The following DHRS7B variants were observed in gnomAD, a reference collection of about 807,000 sequenced individuals.
DHRS7B encodes dehydrogenase/reductase 7B, also known as peroxisomal reductase activating PPAR-gamma.
Under a neutral mutation model 26.4 loss-of-function variants are expected in DHRS7B, and 24 were observed. The ratio of observed to expected loss-of-function variants is 0.91; its 90% CI spans 0.66 to 1.28. The LOEUF (loss-of-function observed/expected upper bound fraction) is 1.28, where lower values mean the gene tolerates loss of function less well. Among genes scored for constraint, DHRS7B ranks in the 50% most tolerant of loss-of-function variants. DHRS7B has a pLI of 0.00. For synonymous variants in DHRS7B, 142 were observed against 166.4 expected (o/e 0.85, Z 1.13); for missense variants, 368 against 419.4 (o/e 0.88, Z 1.07).
At chr17:21,138,095 T>TACACACACACACACAC (rs1395026542) in intron 1 of DHRS7B, among the ~76,000 whole-genome samples, 9 of 81,664 alleles carry the variant, frequency 1.1e-4, no homozygotes, top group African/African-American at 2.8e-4. Flanking sequence ...TATATATATA[T>TACACACACACACACAC]ATATATACAC....
chr17:21,188,617 A>C (rs1309700836), intron 5 of DHRS7B, 94 bp from the exon 6 acceptor site: 1 of 1,377,158 alleles, frequency 7.3e-7, no homozygotes, highest in African/African-American at 1.5e-5. Flanking sequence ...CCAGGTTTTC[A>C]AAACAGAGAG....
At chr17:21,152,077 T>A (rs1167463208) in intron 1 of DHRS7B, among the ~76,000 whole-genome samples, 2 of 152,236 alleles carry the variant, frequency 1.3e-5, no homozygotes, top group Non-Finnish European at 2.9e-5. Flanking sequence ...GCCAGCACCA[T>A]GTTTGCTGTG....
intron 1 of DHRS7B, among the ~76,000 whole-genome samples, chr17:21,136,954 A>C (rs983116121): frequency 3.3e-5 from 5 of 151,896 alleles, no homozygotes; most frequent in African/African-American, 1.2e-4. Context: ...TGGCTTTTAA[A>C]ATTTTTTTTA....
intron 1 of DHRS7B, among the ~76,000 whole-genome samples, chr17:21,139,547 G>A (rs1973442123): frequency 6.6e-6 from 1 of 152,028 alleles, no homozygotes; most frequent in Non-Finnish European, 1.5e-5. Context: ...GGTGGCACGT[G>A]CCTGTAATCC....
intron 5 of DHRS7B, among the ~76,000 whole-genome samples, chr17:21,188,068 T>C (rs1974688429): frequency 6.6e-6 from 1 of 152,064 alleles, no homozygotes; most frequent in Non-Finnish European, 1.5e-5. Context: ...GCTAGGATGG[T>C]CTCGATCTCC....
intron 1 of DHRS7B, among the ~76,000 whole-genome samples, chr17:21,147,118 T>C (rs1973658591): frequency 6.6e-6 from 1 of 152,218 alleles, no homozygotes; most frequent in South Asian, 2.1e-4. Context: ...GGGATAATTA[T>C]ATTAATAAGT....
intron 1 of DHRS7B, among the ~76,000 whole-genome samples, chr17:21,160,168 AC>A (rs1973969933): frequency 1.3e-5 from 2 of 152,116 alleles, no homozygotes; most frequent in Admixed American, 1.3e-4. Context: ...AGCTGGGCCA[AC>A]ATGGTGAAAC....
intron 1 of DHRS7B, among the ~76,000 whole-genome samples, chr17:21,167,511 A>C (rs1974141193): frequency 1.3e-5 from 2 of 152,194 alleles, no homozygotes; most frequent in African/African-American, 4.8e-5. Context: ...AAGGACTAAG[A>C]GTGTGACTAT....
chr17:21,170,723 A>G (rs1312419337), intron 1 of DHRS7B, among the ~76,000 whole-genome samples: 2 of 152,224 alleles, frequency 1.3e-5, no homozygotes, highest in African/African-American at 2.4e-5. Flanking sequence ...TTTAGCATAG[A>G]TCAGGACAGC....
intron 3 of DHRS7B, among the ~76,000 whole-genome samples, chr17:21,182,904 C>T (rs1974544975): frequency 1.3e-5 from 2 of 152,194 alleles, no homozygotes; most frequent in Admixed American, 6.5e-5. Flanking sequence ...TGGCCTCAGA[C>T]TGAATTAGGA....
intron 1 of DHRS7B, among the ~76,000 whole-genome samples, chr17:21,145,551 T>C (rs1973624184): frequency 6.6e-6 from 1 of 152,220 alleles, no homozygotes; most frequent in Non-Finnish European, 1.5e-5. Context: ...TTTCCATTGC[T>C]GGATAAGGAG....
intron 1 of DHRS7B, among the ~76,000 whole-genome samples, chr17:21,150,653 T>A (rs990092054): frequency 6.6e-6 from 1 of 152,062 alleles, no homozygotes. Flanking sequence ...ACATGGAACT[T>A]TGAGTAAGAG....
chr17:21,186,821 G>A (rs1178231783), intron 5 of DHRS7B, among the ~76,000 whole-genome samples: 2 of 152,184 alleles, frequency 1.3e-5, no homozygotes, highest in African/African-American at 2.4e-5. Flanking sequence ...TCTTGCAGGT[G>A]GAGTAAGCTC....
intron 1 of DHRS7B, among the ~76,000 whole-genome samples, chr17:21,160,372 T>A (rs996903159): frequency 2.6e-5 from 4 of 151,326 alleles, no homozygotes; most frequent in South Asian, 2.1e-4. Flanking sequence ...TAAAAAAATT[T>A]AAAAAATTAA....
At chr17:21,172,711 C>T (rs1461112200) in intron 2 of DHRS7B, among the ~76,000 whole-genome samples, 1 of 152,158 alleles carries the variant, frequency 6.6e-6, no homozygotes, top group Non-Finnish European at 1.5e-5. Flanking sequence ...TCAGCATGGT[C>T]TAGACAAGGT....
At chr17:21,166,530 C>T in intron 1 of DHRS7B, 1 of 828,564 alleles carries the variant, frequency 1.2e-6, no homozygotes, top group Non-Finnish European at 1.4e-6. Context: ...GCTTCTCAGA[C>T]ATTTGAGACC....
chr17:21,183,664 C>T lies in DHRS7B; in HGVS notation c.380C>T (p.Ala127Val), dbSNP rs774715342. 4.3e-6 allele frequency: 7 copies of T among 1,614,152 alleles called. No individual in the cohort carries two copies. The highest frequency in any genetic ancestry group is 5.1e-6 in the Non-Finnish European group (6 of 1,180,044). Residue 127 changes from alanine to valine, a missense_variant, in exon 4 of 7, where the codon GCT (alanine) becomes GTT (valine). Transcript: ENST00000395511. ...TCTGGGGCCATAGTTGCAGCAGCAGCTGAGATCCTGCAGTGCTTTGGCTAT... is the reference window on the plus strand; with the variant it reads ...TCTGGGGCCATAGTTGCAGCAGCAGTTGAGATCCTGCAGTGCTTTGGCTAT... ...TDSGAIVAAA[A>V]EILQCFGYVD...
chr17:21,156,249 A>C (rs1331806681), intron 1 of DHRS7B, among the ~76,000 whole-genome samples: 1 of 152,242 alleles, frequency 6.6e-6, no homozygotes, highest in African/African-American at 2.4e-5. Context: ...AAACTAAGGC[A>C]CAAATGACTA....
intron 6 of DHRS7B, among the ~76,000 whole-genome samples, chr17:21,189,571 T>A (rs1974730648): frequency 6.6e-6 from 1 of 152,248 alleles, no homozygotes; most frequent in African/African-American, 2.4e-5. Flanking sequence ...TGTGCTGTGA[T>A]GTCTGCCAGG....
Sources: allele counts gnomAD v4.1 joint callset (sites outside exome capture counted in the v4.1 genomes callset), GRCh38; gene constraint gnomAD v4.1.1; transcripts MANE v1.5; gene names NCBI Gene and HGNC (gene_info 2026-07-23, HGNC 2026-07-21).